Variants in ARHGAP44 observed in about 807,000 individuals in gnomAD.
ARHGAP44 encodes the protein rho GTPase-activating protein 44.
ARHGAP44 carries 43 observed loss-of-function variants against 106.8 expected under a neutral mutation model. That is an observed-to-expected ratio of 0.40 (90% confidence interval 0.32 to 0.52). The LOEUF is 0.52. Among genes scored for constraint, ARHGAP44 ranks in the 20% least tolerant of loss-of-function variants. The probability of loss-of-function intolerance (pLI) is 0.48; values close to 1 mark genes in which losing one functional copy is unlikely to be tolerated. For missense variants in ARHGAP44, 866 were observed against 1,050.5 expected (o/e 0.82, Z 2.43); for synonymous variants, 439 against 410.3 (o/e 1.07, Z -0.85).
chr17:12,899,167 C>T (rs992519309), intron 3 of ARHGAP44, among the ~76,000 whole-genome samples: 1 of 152,056 alleles, frequency 6.6e-6, no homozygotes, highest in African/African-American at 2.4e-5. Context: ...GACAGGGTTT[C>T]ACCATGTTGG....
intron 6 of ARHGAP44, among the ~76,000 whole-genome samples, chr17:12,925,569 T>G (rs2038208346): frequency 6.6e-6 from 1 of 152,206 alleles, no homozygotes; most frequent in Admixed American, 6.5e-5. Flanking sequence ...GTACCTGAAA[T>G]TTTAAACCCT....
At chr17:12,852,068 A>G (rs951221000) in intron 1 of ARHGAP44, among the ~76,000 whole-genome samples, 7 of 150,376 alleles carry the variant, frequency 4.7e-5, no homozygotes, top group African/African-American at 1.7e-4. Flanking sequence ...TGAGGCTGAA[A>G]TGACCCATTT....
chr17:12,905,236 G>C lies in ARHGAP44; in HGVS notation c.199-3661G>C, dbSNP rs151123187. Among the ~76,000 whole-genome samples, 244 of 152,190 alleles carry C rather than the reference G, an allele frequency of 1.6e-3. 2 individuals carry two copies. The highest frequency in any genetic ancestry group is 5.8e-3 in the African/African-American group (239 of 41,530). The stretch of plus-strand genomic sequence containing the variant: ...AATAGATATGATAGAGAATGAGATA[G>C]GGCAGGAGGGAGAGGTTATGCTCCT... On this transcript the variant is annotated intron_variant, in intron 3 of 20. Transcript: ENST00000379672.
At chr17:12,808,785 C>A (rs940430020) in intron 1 of ARHGAP44, among the ~76,000 whole-genome samples, 4 of 152,190 alleles carry the variant, frequency 2.6e-5, no homozygotes, top group Admixed American at 6.5e-5. Flanking sequence ...ATGCTAATTT[C>A]TGCAGGCAGC....
At chr17:12,812,944 G>A (rs1410816546) in intron 1 of ARHGAP44, among the ~76,000 whole-genome samples, 3 of 152,148 alleles carry the variant, frequency 2.0e-5, no homozygotes, top group Non-Finnish European at 4.4e-5. Flanking sequence ...CTTATCTGGA[G>A]TATTGCCTTT....
At chr17:12,841,413 A>G (rs1405284248) in intron 1 of ARHGAP44, among the ~76,000 whole-genome samples, 1 of 152,070 alleles carries the variant, frequency 6.6e-6, no homozygotes. Flanking sequence ...AGCCTGGGCA[A>G]CATAGTAAAA....
intron 5 of ARHGAP44, among the ~76,000 whole-genome samples, chr17:12,919,337 G>A (rs973635271): frequency 6.6e-5 from 10 of 151,756 alleles, no homozygotes; most frequent in Admixed American, 2.6e-4. Context: ...TTGCGAGACC[G>A]CTAGTAAACT....
intron 19 of ARHGAP44, among the ~76,000 whole-genome samples, chr17:12,981,226 C>G (rs1034644904): frequency 6.6e-6 from 1 of 152,134 alleles, no homozygotes; most frequent in Admixed American, 6.5e-5. Flanking sequence ...GTAAGGACAC[C>G]TGGGAGCATG....
chr17:12,802,951 A>G (rs1254314618), intron 1 of ARHGAP44, among the ~76,000 whole-genome samples: 2 of 19,854 alleles, frequency 1.0e-4, no homozygotes, highest in Non-Finnish European at 1.6e-4. Flanking sequence ...ATATATATAT[A>G]TATATATATA....
rs533152534 is a variant in ARHGAP44 at position 12,875,087 on chromosome 17, C to T, written c.54-19853C>T. Reference sequence around the variant, plus strand: ...TACTCCACACACCAGTGGTTCTGAACATGTCTTAGAATCATCTGGAGGGTT... The same window carrying T: ...TACTCCACACACCAGTGGTTCTGAATATGTCTTAGAATCATCTGGAGGGTT... On this transcript the variant is annotated intron_variant, in intron 1 of 20. Transcript: ENST00000379672. 1.2e-3 allele frequency among the ~76,000 whole-genome samples: 186 copies of T among 152,196 alleles called. 2 individuals are homozygous for T. In the South Asian group the frequency reaches 0.022, roughly 18 times the overall value.
At chr17:12,977,642 CT>C (rs1228102815) in intron 18 of ARHGAP44, among the ~76,000 whole-genome samples, 12 of 152,192 alleles carry the variant, frequency 7.9e-5, no homozygotes, top group African/African-American at 2.9e-4. Flanking sequence ...GGTAGCGCCC[CT>C]AGTAGCCGCC....
chr17:12,955,644 C>A, intron 13 of ARHGAP44: 1 of 456,646 alleles, frequency 2.2e-6, no homozygotes, highest in Non-Finnish European at 4.0e-6. Flanking sequence ...TTAGTTGAAG[C>A]AGATGTCGAC....
chr17:12,889,890 C>T (rs1399029579), intron 1 of ARHGAP44, among the ~76,000 whole-genome samples: 4 of 152,236 alleles, frequency 2.6e-5, no homozygotes, highest in African/African-American at 9.6e-5. Context: ...AAAGGGATAA[C>T]TGGTTCCAAC....
At chr17:12,867,963 A>G (rs1310697812) in intron 1 of ARHGAP44, among the ~76,000 whole-genome samples, 2 of 152,234 alleles carry the variant, frequency 1.3e-5, no homozygotes, top group East Asian at 3.8e-4. Flanking sequence ...ATCAACCCTT[A>G]TAACCACAAA....
intron 1 of ARHGAP44, among the ~76,000 whole-genome samples, chr17:12,857,777 T>G (rs1304548581): frequency 6.9e-6 from 1 of 144,878 alleles, no homozygotes; most frequent in East Asian, 2.0e-4. Context: ...TATTTATTTA[T>G]TTATTTATTT....
chr17:12,952,723 T>A, intron 13 of ARHGAP44, 142 bp downstream of exon 13: 12 of 30,814 alleles, frequency 3.9e-4, no homozygotes, highest in Non-Finnish European at 6.4e-4. Context: ...GCATGGTCTC[T>A]TTTTTTTTTT....
At chr17:12,974,540 A>T (rs2039623814) in intron 18 of ARHGAP44, among the ~76,000 whole-genome samples, 1 of 152,088 alleles carries the variant, frequency 6.6e-6, no homozygotes, top group Admixed American at 6.6e-5. Context: ...AAGCAAGCAG[A>T]AGGTGGCAGC....
At chr17:12,967,935 CTCTGAGTTCAAA>C (rs917230999) in intron 16 of ARHGAP44, among the ~76,000 whole-genome samples, 2 of 152,186 alleles carry the variant, frequency 1.3e-5, no homozygotes, top group African/African-American at 4.8e-5. Flanking sequence ...ATCAGGCTCC[CTCTGAGTTCAAA>C]TCCTGGTTAC....
At chr17:12,868,202 C>T (rs1158975811) in intron 1 of ARHGAP44, among the ~76,000 whole-genome samples, 1 of 152,132 alleles carries the variant, frequency 6.6e-6, no homozygotes, top group East Asian at 1.9e-4. Context: ...ATGCCATCTT[C>T]TCTCTGCGTC....
Sources: gnomAD v4.1 joint callset for allele counts (sites outside exome capture counted in the v4.1 genomes callset) on GRCh38, gnomAD v4.1.1 for gene constraint, MANE v1.5 for transcripts, NCBI Gene and HGNC (gene_info 2026-07-23, HGNC 2026-07-21) for gene names.